Variants in MIB1 observed in about 807,000 individuals in gnomAD.
MIB1 encodes the protein MIB E3 ubiquitin protein ligase 1.
Under a neutral mutation model 124.5 loss-of-function variants are expected in MIB1, and 278 were observed. The observed-to-expected ratio is 2.23, with a 90% confidence interval of 2.02 to 2.47. The LOEUF (loss-of-function observed/expected upper bound fraction) is 2.47, where lower values mean the gene tolerates loss of function less well. Ranked by LOEUF, MIB1 falls within the 30% of genes most tolerant of loss-of-function variation. The probability of loss-of-function intolerance (pLI) is 0.00; values close to 1 mark genes in which losing one functional copy is unlikely to be tolerated. For missense variants in MIB1, 957 were observed against 1,254.4 expected, an observed-to-expected ratio of 0.76 and a Z score of 3.58; for synonymous variants, 446 against 429.4, an observed-to-expected ratio of 1.04 and a Z score of -0.48.
In MIB1 at chr18:21,741,431, G is replaced by C; in HGVS notation, c.-153G>C. 2.9e-6 allele frequency: 1 copy of C among 341,568 alleles called. No individual in the cohort carries two copies. The highest frequency in any genetic ancestry group is 4.8e-6 in the Non-Finnish European group (1 of 206,970). The allele number at this position is 341,568 out of a possible 1,614,324, so 21.2% of individuals were successfully genotyped here. A position where few individuals can be genotyped will look rare whatever the true frequency, so the allele number is the denominator to read the frequency against. ...CTTTGGGCTCCGCGGGGACCGCGCC[G>C]CCGCCCCCGTGAGTTATTCTCACGT... On this transcript the variant is annotated 5_prime_UTR_variant, in exon 1 of 21. Coordinates refer to ENST00000261537, the MANE Select transcript of MIB1 (RefSeq NM_020774.4). This position sits in a 1 kb window ranked among gnomAD's most constrained non-coding sequence, Gnocchi z 5.4.
Position 21,858,569 on chromosome 18 carries a change from C to T in MIB1, c.2803C>T (p.Gln935Ter). 2 of 1,581,520 alleles carry T rather than the reference C, an allele frequency of 1.3e-6. No individual in the cohort carries two copies. Among genetic ancestry groups the T allele is most frequent in the Non-Finnish European group, 1.7e-6 (2 of 1,152,836 alleles). ...AGCAAGTGGGAATATTCCAGTATTA[C>T]AAAAGGACAAGGATAATACCAATGT... ...DISSGNIPVLQKDKDNTNVNA... is the reference protein window; with the variant it reads ...DISSGNIPVL Residue 935 changes from glutamine to a stop codon, truncating the protein, a stop_gained, in exon 20 of 21, where the codon CAA (glutamine) becomes TAA (stop). Transcript: ENST00000261537. LOFTEE classifies it high-confidence loss of function.
At chr18:21,780,401 C>G (rs1194948810) in intron 6 of MIB1, among the ~76,000 whole-genome samples, 1 of 152,154 alleles carries the variant, frequency 6.6e-6, no homozygotes, top group African/African-American at 2.4e-5. Flanking sequence ...TCCTACTGTT[C>G]CCAGCCTCTG....
chr18:21,808,193 A>G (rs2041730012), intron 10 of MIB1, among the ~76,000 whole-genome samples: 1 of 152,178 alleles, frequency 6.6e-6, no homozygotes, highest in Admixed American at 6.5e-5. Context: ...AGGAAATAAT[A>G]TATTTTGTTC....
At position 21,749,192 on chromosome 18, in the gene MIB1, T is replaced by A. The variant is rs538631311; in HGVS notation, c.229+7380T>A. ...CCTATATGGTAAAATAAGGTGACAT[T>A]TATGTCTTAACTACTTAGAGAGAAA... On this transcript the variant is annotated intron_variant, in intron 1 of 20. Coordinates refer to ENST00000261537, the MANE Select transcript of MIB1 (RefSeq NM_020774.4). Among the ~76,000 whole-genome samples the A allele has an allele frequency of 5.2e-4, 79 of 152,334 alleles. No individual in the cohort carries two copies. In the South Asian group the frequency reaches 0.014, roughly 28 times the overall value.
intron 13 of MIB1, among the ~76,000 whole-genome samples, chr18:21,841,137 G>A (rs759127408): frequency 5.3e-5 from 8 of 152,058 alleles, no homozygotes; most frequent in Non-Finnish European, 1.0e-4. Flanking sequence ...AGGCTGAGAC[G>A]GGTAGATCAC....
rs544468195 is a variant in MIB1 at position 21,809,464 on chromosome 18, G to A, written c.1479+5450G>A. On this transcript the variant is annotated intron_variant, in intron 10 of 20. Transcript: ENST00000261537. ...AAAAAGGCACTACAAGAAAACTACA[G>A]ACCAATATACCATATCAACATTGAT... Among the ~76,000 whole-genome samples, 7 of 152,104 alleles carry A rather than the reference G, an allele frequency of 4.6e-5. No individual in the cohort carries two copies. The South Asian group carries it at 1.4e-3, about 31-fold the overall frequency.
intron 1 of MIB1, among the ~76,000 whole-genome samples, chr18:21,762,814 A>G (rs1185587610): frequency 1.3e-5 from 2 of 152,226 alleles, no homozygotes; most frequent in Non-Finnish European, 2.9e-5. Flanking sequence ...TTTAATTCAC[A>G]GATGAATAAT....
At position 21,819,472 on chromosome 18, in the gene MIB1, T is replaced by C. The variant is rs772460488; in HGVS notation, c.1678-23T>C. ...ATGGGATAATTAATTGAAGAACTAATGAAAATTTCTTTAAACTTAAAGGAT... is the reference window on the plus strand; with the variant it reads ...ATGGGATAATTAATTGAAGAACTAACGAAAATTTCTTTAAACTTAAAGGAT... On this transcript the variant is annotated intron_variant, in intron 11 of 20. Transcript: ENST00000261537. 50 of 1,504,380 alleles carry C rather than the reference T, an allele frequency of 3.3e-5. 1 individual carries two copies. In the East Asian group the frequency reaches 9.6e-4, roughly 29 times the overall value. 93.2% of individuals were successfully genotyped at this position (1,504,380 alleles called of 1,614,324 possible). A position where few individuals can be genotyped will look rare whatever the true frequency, so the allele number is the denominator to read the frequency against.
At chr18:21,752,499 C>T (rs777332880) in intron 1 of MIB1, among the ~76,000 whole-genome samples, 3 of 152,058 alleles carry the variant, frequency 2.0e-5, no homozygotes, top group Admixed American at 6.5e-5. Flanking sequence ...ATAAATATTC[C>T]TCTGGCTTTG....
At chr18:21,854,539 C>T (rs1286073215) in intron 18 of MIB1, 1 of 157,410 alleles carries the variant, frequency 6.4e-6, no homozygotes, top group Non-Finnish European at 1.4e-5. Flanking sequence ...GATTCTAGAG[C>T]CTTAATATAA....
chr18:21,851,459 G>A (rs1032078595), intron 17 of MIB1, among the ~76,000 whole-genome samples: 5 of 151,890 alleles, frequency 3.3e-5, no homozygotes, highest in African/African-American at 7.3e-5. Flanking sequence ...GAAAAACTAC[G>A]GATATACCCA....
At position 21,740,824 on chromosome 18, in the gene MIB1, T is replaced by C. The variant is rs1279041884; in HGVS notation, c.-760T>C. ...CCTGGAGAGACGCTTAGGGATCAGT[T>C]TTCTCCTCCTTTCTTCCCGCGATCG... On this transcript the variant is annotated 5_prime_UTR_variant, in exon 1 of 21. Transcript: ENST00000261537. 6.6e-6 allele frequency among the ~76,000 whole-genome samples: 1 copy of C among 152,224 alleles called. No homozygotes were observed. The highest frequency in any genetic ancestry group is 1.5e-5 in the Non-Finnish European group (1 of 68,038).
intron 10 of MIB1, among the ~76,000 whole-genome samples, chr18:21,804,483 A>G (rs2041682483): frequency 6.6e-6 from 1 of 152,232 alleles, no homozygotes; most frequent in South Asian, 2.1e-4. Flanking sequence ...CATGTTTATC[A>G]CCATATGTGT....
chr18:21,731,109 G>A (rs866009497), intron 1 of MIB1, among the ~76,000 whole-genome samples: 53 of 152,144 alleles, frequency 3.5e-4, no homozygotes, highest in African/African-American at 1.2e-3. Flanking sequence ...CTTAGGTGAC[G>A]CTCTCTGGGT....
chr18:21,759,756 T>C (rs1026804634), intron 1 of MIB1, among the ~76,000 whole-genome samples: 8 of 152,234 alleles, frequency 5.3e-5, no homozygotes, highest in African/African-American at 1.9e-4. Context: ...GCACTTCATA[T>C]GTATTTAACT....
At chr18:21,804,057 T>C in intron 10 of MIB1, 43 bp downstream of exon 10, 2 of 1,306,008 alleles carry the variant, frequency 1.5e-6, no homozygotes, top group Non-Finnish European at 2.2e-6. Flanking sequence ...ATTTATTTCC[T>C]AGAAATAATA....
intron 10 of MIB1, among the ~76,000 whole-genome samples, chr18:21,813,591 T>TACTGTTTCATAAATGATTGTCAA (rs57436032): frequency 0.16 from 24,199 of 152,200 alleles, 2,620 homozygotes; most frequent in African/African-American, 0.31. Context: ...TGTAGGTCCC[T>TACTGTTTCATAAATGATTGTCAA]ACTGTTGTGG....
At chr18:21,849,120 C>T (rs1759539228) in intron 16 of MIB1, 76 bp from the exon 17 acceptor site, 4 of 907,486 alleles carry the variant, frequency 4.4e-6, no homozygotes, top group South Asian at 2.1e-5. Flanking sequence ...AATGATGCTC[C>T]AGGTATATTT....
At chr18:21,760,589 C>T (rs2041086409) in intron 1 of MIB1, among the ~76,000 whole-genome samples, 1 of 152,148 alleles carries the variant, frequency 6.6e-6, no homozygotes, top group African/African-American at 2.4e-5. Flanking sequence ...TCTTTAAAAC[C>T]ATGAATTATA....
Sources: gnomAD v4.1 joint callset for allele counts (sites outside exome capture counted in the v4.1 genomes callset) on GRCh38, gnomAD v4.1.1 for gene constraint, Gnocchi (gnomAD v3.1) non-coding constraint, MANE v1.5 for transcripts, NCBI Gene and HGNC (gene_info 2026-07-23, HGNC 2026-07-21) for gene names.